RIMS2: variants seen among roughly 807,000 people sequenced by gnomAD.
The protein encoded by RIMS2 is regulating synaptic membrane exocytosis protein 2.
Under a neutral mutation model 174.4 loss-of-function variants are expected in RIMS2, and 59 were observed. The ratio of observed to expected loss-of-function variants is 0.34; its 90% CI spans 0.27 to 0.42. The LOEUF is 0.42. Among genes scored for constraint, RIMS2 ranks in the 10% least tolerant of loss-of-function variants. The pLI, the probability that RIMS2 is intolerant of heterozygous loss-of-function variation, is 1.00. For synonymous variants in RIMS2, 606 were observed against 572.5 expected (o/e 1.06, Z -0.84); for missense variants, 1,620 against 1,666.3 (o/e 0.97, Z 0.48).
chr8:103,611,455 C>T (rs1252456376), intron 1 of RIMS2, among the ~76,000 whole-genome samples: 2 of 151,638 alleles, frequency 1.3e-5, no homozygotes, highest in Non-Finnish European at 2.9e-5. Flanking sequence ...TTTTCAGATT[C>T]AAGAAAACCC....
intron 1 of RIMS2, among the ~76,000 whole-genome samples, chr8:103,547,202 A>G (rs934594155): frequency 6.6e-6 from 1 of 152,208 alleles, no homozygotes; most frequent in Non-Finnish European, 1.5e-5. Flanking sequence ...AAGAAAGAAA[A>G]AGTGAGAAGA....
At chr8:103,673,503 G>T (rs1017770480) in intron 1 of RIMS2, among the ~76,000 whole-genome samples, 10 of 152,228 alleles carry the variant, frequency 6.6e-5, no homozygotes, top group African/African-American at 2.4e-4. Flanking sequence ...TTAATACTAT[G>T]TGGAAGCTGC....
intron 1 of RIMS2, among the ~76,000 whole-genome samples, chr8:103,619,105 A>C (rs1467091594): frequency 6.6e-6 from 1 of 151,888 alleles, no homozygotes; most frequent in African/African-American, 2.4e-5. Context: ...AAAAAAAAAA[A>C]AAAAAACCAA....
chr8:103,729,285 T>C (rs2138811206), intron 2 of RIMS2, among the ~76,000 whole-genome samples: 1 of 152,286 alleles, frequency 6.6e-6, no homozygotes, highest in East Asian at 1.9e-4. Context: ...TTTGGAGTTC[T>C]TCATGTTTGA....
chr8:103,579,061 C>T (rs2093437865), intron 1 of RIMS2, among the ~76,000 whole-genome samples: 1 of 151,926 alleles, frequency 6.6e-6, no homozygotes, highest in African/African-American at 2.4e-5. Flanking sequence ...AAAGTCTTTC[C>T]CAGATACACA....
chr8:104,071,997 T>C (rs2097205168), intron 19 of RIMS2, among the ~76,000 whole-genome samples: 1 of 152,188 alleles, frequency 6.6e-6, no homozygotes, highest in African/African-American at 2.4e-5. Context: ...TACTTATCAC[T>C]CTGTTTTCTA....
At chr8:103,868,382 T>A (rs1177669127) in intron 3 of RIMS2, among the ~76,000 whole-genome samples, 1 of 152,186 alleles carries the variant, frequency 6.6e-6, no homozygotes, top group East Asian at 1.9e-4. Context: ...ATTAAAAAAA[T>A]AAAATACAAT....
intron 19 of RIMS2, among the ~76,000 whole-genome samples, chr8:104,033,625 T>A (rs1252411210): frequency 6.6e-6 from 1 of 152,044 alleles, no homozygotes; most frequent in Non-Finnish European, 1.5e-5. Context: ...TAGTTTTTTT[T>A]TTGTTTTGGC....
At chr8:103,800,016 A>C (rs768088521) in intron 3 of RIMS2, among the ~76,000 whole-genome samples, 1 of 152,202 alleles carries the variant, frequency 6.6e-6, no homozygotes, top group Non-Finnish European at 1.5e-5. Context: ...ACTTGTGGAC[A>C]TGATGAAGTA....
In RIMS2 at chr8:103,526,064, G is replaced by A. The variant is rs114215116; in HGVS notation, c.176+25002G>A. ...TTCCAGTAGAGGTGGCCAAGAGGCT[G>A]AGAAGCTAAGAAGAGCTTTTGACAC... On this transcript the variant is annotated intron_variant, in intron 1 of 23. Transcript: ENST00000504942. Among the ~76,000 whole-genome samples, 1,261 of 152,338 alleles carry A rather than the reference G, an allele frequency of 8.3e-3. 21 individuals are homozygous for A. Among genetic ancestry groups the A allele is most frequent in the African/African-American group, 0.029 (1,207 of 41,578 alleles).
intron 16 of RIMS2, among the ~76,000 whole-genome samples, chr8:103,985,964 G>A (rs2094330158): frequency 1.3e-5 from 2 of 152,064 alleles, no homozygotes; most frequent in African/African-American, 2.4e-5. Flanking sequence ...AGAAGATTGG[G>A]GAGATATAGG....
chr8:103,660,253 G>T (rs1343596678), intron 1 of RIMS2, among the ~76,000 whole-genome samples: 1 of 152,238 alleles, frequency 6.6e-6, no homozygotes, highest in Non-Finnish European at 1.5e-5. Context: ...GAGGCAGCCC[G>T]TGGTGAGGCT....
intron 19 of RIMS2, among the ~76,000 whole-genome samples, chr8:104,236,488 A>G (rs1235925918): frequency 6.6e-6 from 1 of 152,090 alleles, no homozygotes; most frequent in African/African-American, 2.4e-5. Context: ...ATGTGTATTA[A>G]GTCTATGCTT....
At chr8:103,935,878 A>G (rs1391643850) in intron 12 of RIMS2, among the ~76,000 whole-genome samples, 22 of 152,238 alleles carry the variant, frequency 1.4e-4, no homozygotes, top group Admixed American at 1.4e-3. Flanking sequence ...TAACACATGT[A>G]CAGAGATATA....
chr8:103,885,425 A>T (rs1308067996), exon 4 of RIMS2: 2 of 1,610,614 alleles, frequency 1.2e-6, no homozygotes, highest in Non-Finnish European at 1.7e-6. Context: ...TTATGCTGAT[A>T]GGCGATCTCA....
chr8:103,813,129 A>G (rs1281710498), intron 3 of RIMS2, among the ~76,000 whole-genome samples: 1 of 152,074 alleles, frequency 6.6e-6, no homozygotes, highest in South Asian at 2.1e-4. Context: ...GTTTATTTTC[A>G]TGTATGGAAT....
intron 2 of RIMS2, among the ~76,000 whole-genome samples, chr8:103,742,880 A>C (rs2097774504): frequency 6.6e-6 from 1 of 152,148 alleles, no homozygotes; most frequent in Admixed American, 6.5e-5. Context: ...ATTATCTTAC[A>C]TATACTCGTA....
intron 1 of RIMS2, among the ~76,000 whole-genome samples, chr8:103,614,252 G>A (rs7820965): frequency 0.18 from 27,753 of 152,270 alleles, 2,777 homozygotes; most frequent in African/African-American, 0.26. Context: ...GGTCTGGTCC[G>A]TTTGCTCTCT....
chr8:104,130,725 A>G (rs1489904481), intron 19 of RIMS2, among the ~76,000 whole-genome samples: 2 of 152,196 alleles, frequency 1.3e-5, no homozygotes, highest in Non-Finnish European at 2.9e-5. Context: ...TTGGCATAAA[A>G]GAAAGCACAT....
Sources: gnomAD v4.1 joint callset for allele counts (sites outside exome capture counted in the v4.1 genomes callset) on GRCh38, gnomAD v4.1.1 for gene constraint, MANE v1.5 for transcripts, NCBI Gene and HGNC (gene_info 2026-07-23, HGNC 2026-07-21) for gene names.